LYPD6: variants seen among roughly 807,000 people sequenced by gnomAD.
The protein encoded by LYPD6 is ly6/PLAUR domain-containing protein 6.
LYPD6 carries 15 observed loss-of-function variants against 22.7 expected under a neutral mutation model. The ratio of observed to expected loss-of-function variants is 0.66; its 90% CI spans 0.44 to 1.02. The LOEUF (loss-of-function observed/expected upper bound fraction) is 1.02. Among genes scored for constraint, LYPD6 ranks in the 50% least tolerant of loss-of-function variants. The pLI is 0.00. For synonymous variants in LYPD6, 72 were observed against 77.5 expected, an observed-to-expected ratio of 0.93 and a Z score of 0.37; for missense variants, 189 against 208.4, an observed-to-expected ratio of 0.91 and a Z score of 0.57.
At chr2:149,425,884 A>C (rs1683178598) in intron 1 of LYPD6, among the ~76,000 whole-genome samples, 1 of 152,198 alleles carries the variant, frequency 6.6e-6, no homozygotes, top group African/African-American at 2.4e-5. Context: ...CCAATCTTAT[A>C]CCCTTTCACA....
intron 3 of LYPD6, among the ~76,000 whole-genome samples, chr2:149,458,595 A>G (rs941882755): frequency 8.5e-5 from 13 of 152,202 alleles, no homozygotes; most frequent in Admixed American, 5.2e-4. Flanking sequence ...ATAGCAATCA[A>G]TAGACACCAA....
At chr2:149,421,653 T>G (rs1445313274) in intron 1 of LYPD6, among the ~76,000 whole-genome samples, 3 of 152,178 alleles carry the variant, frequency 2.0e-5, no homozygotes, top group Non-Finnish European at 4.4e-5. Context: ...TGCTGTTATT[T>G]TCCATGTAAC....
chr2:149,459,679 A>G (rs563788290), intron 3 of LYPD6, among the ~76,000 whole-genome samples: 1 of 152,314 alleles, frequency 6.6e-6, no homozygotes, highest in East Asian at 1.9e-4. Flanking sequence ...AGGCAGGTGG[A>G]TCACCTGAGG....
intron 1 of LYPD6, among the ~76,000 whole-genome samples, chr2:149,412,001 A>G (rs933658937): frequency 2.6e-5 from 4 of 152,116 alleles, no homozygotes; most frequent in African/African-American, 7.2e-5. Context: ...ATTCTTTTGT[A>G]TGATTGTACT....
intron 3 of LYPD6, among the ~76,000 whole-genome samples, chr2:149,457,508 G>T (rs1026102017): frequency 2.4e-4 from 36 of 152,216 alleles, no homozygotes; most frequent in Non-Finnish European, 4.7e-4. Flanking sequence ...TACAACAGTA[G>T]ATCTCAACCA....
chr2:149,402,970 A>C (rs1682596881), intron 1 of LYPD6, among the ~76,000 whole-genome samples: 1 of 150,316 alleles, frequency 6.7e-6, no homozygotes, highest in Admixed American at 6.7e-5. Context: ...TATGAGTGAG[A>C]ACATGCAGTG....
intron 1 of LYPD6, among the ~76,000 whole-genome samples, chr2:149,410,922 AG>A (rs2105121987): frequency 6.6e-6 from 1 of 152,326 alleles, no homozygotes; most frequent in South Asian, 2.1e-4. Flanking sequence ...TGGCCTCATT[AG>A]GTTTGTAAAT....
chr2:149,464,876 A>G (rs1681166942), intron 3 of LYPD6, among the ~76,000 whole-genome samples: 1 of 152,160 alleles, frequency 6.6e-6, no homozygotes, highest in Admixed American at 6.5e-5. Context: ...GTTACTGGAG[A>G]AGCTGGAGGT....
chr2:149,368,874 A>C (rs1432320524), intron 1 of LYPD6, among the ~76,000 whole-genome samples: 1 of 152,140 alleles, frequency 6.6e-6, no homozygotes, highest in Non-Finnish European at 1.5e-5. Context: ...CTTGACTTAG[A>C]TTTCTGACTT....
At chr2:149,465,683 T>C (rs1215472416) in intron 3 of LYPD6, among the ~76,000 whole-genome samples, 4 of 152,194 alleles carry the variant, frequency 2.6e-5, no homozygotes, top group Admixed American at 2.0e-4. Context: ...TATTGGTGGG[T>C]AAATGAAAGT....
chr2:149,381,845 C>A (rs748902482), intron 1 of LYPD6, among the ~76,000 whole-genome samples: 3 of 150,160 alleles, frequency 2.0e-5, no homozygotes, highest in Non-Finnish European at 4.5e-5. Context: ...AAATCCAGGT[C>A]ATCTGAATTG....
chr2:149,477,079 C>T (rs1681459274), downstream of LYPD6, among the ~76,000 whole-genome samples: 3 of 152,172 alleles, frequency 2.0e-5, no homozygotes, highest in South Asian at 4.1e-4. Flanking sequence ...CTGGCTCAGT[C>T]CTGGCACATG....
intron 1 of LYPD6, among the ~76,000 whole-genome samples, chr2:149,346,823 C>T (rs1285031633): frequency 6.6e-6 from 1 of 152,208 alleles, no homozygotes; most frequent in Non-Finnish European, 1.5e-5. Flanking sequence ...GCCTCAGCCT[C>T]CCAAGTAGCT....
chr2:149,452,649 A>G (rs1219890468), intron 3 of LYPD6, among the ~76,000 whole-genome samples: 1 of 152,224 alleles, frequency 6.6e-6, no homozygotes, highest in Non-Finnish European at 1.5e-5. Flanking sequence ...TAAGTATTCA[A>G]TCTTATAAAC....
At chr2:149,426,066 G>A (rs1683182533) in intron 1 of LYPD6, among the ~76,000 whole-genome samples, 1 of 152,146 alleles carries the variant, frequency 6.6e-6, no homozygotes, top group African/African-American at 2.4e-5. Flanking sequence ...TGAACCCAGT[G>A]GTTTGCAAAT....
intron 1 of LYPD6, among the ~76,000 whole-genome samples, chr2:149,415,360 T>C (rs1320054099): frequency 6.6e-6 from 1 of 152,070 alleles, no homozygotes; most frequent in East Asian, 1.9e-4. Context: ...TCTGCCTGGC[T>C]GAAAAAGGAG....
chr2:149,425,606 A>G (rs2192966), intron 1 of LYPD6, among the ~76,000 whole-genome samples: 44,256 of 152,092 alleles, frequency 0.29, 8,329 homozygotes, highest in African/African-American at 0.54. Context: ...ATCCTTTTCT[A>G]CCTGAGTGAA....
rs566274118 is a variant in LYPD6, at chr2:149,467,859, T to C, written c.218-786T>C. ...AGCCATTTTTCTTTAGTTTTTAAAT[T>C]ACACATTAAAAGTTCCCCCAAAGAA... On this transcript the variant is annotated intron_variant, in intron 3 of 4. Transcript: ENST00000334166. Among the ~76,000 whole-genome samples, 4 of 152,180 alleles carry C rather than the reference T, an allele frequency of 2.6e-5. No homozygotes were observed. The East Asian group carries it at 5.8e-4, about 22-fold the overall frequency.
chr2:149,460,633 G>T (rs1343601537), intron 3 of LYPD6, among the ~76,000 whole-genome samples: 1 of 152,052 alleles, frequency 6.6e-6, no homozygotes, highest in Non-Finnish European at 1.5e-5. Flanking sequence ...TTAACCAACA[G>T]AATCTAATTG....
Sources: gnomAD v4.1 joint callset for allele counts (sites outside exome capture counted in the v4.1 genomes callset) on GRCh38, gnomAD v4.1.1 for gene constraint, MANE v1.5 for transcripts, NCBI Gene and HGNC (gene_info 2026-07-23, HGNC 2026-07-21) for gene names.